Variants in ANKS1A observed in about 807,000 individuals in gnomAD.
ANKS1A encodes ankyrin repeat and sterile alpha motif domain containing 1A.
ANKS1A carries 55 observed loss-of-function variants against 120.3 expected under a neutral mutation model. The observed-to-expected ratio is 0.46, with a 90% CI of 0.37 to 0.57. The LOEUF is 0.57. Among genes scored for constraint, ANKS1A ranks in the 20% least tolerant of loss-of-function variants. ANKS1A has a pLI of 0.00. For synonymous variants in ANKS1A, 590 were observed against 604.7 expected (o/e 0.98, Z 0.36); for missense variants, 1,123 against 1,480.3 (o/e 0.76, Z 3.96).
At chr6:34,932,538 C>T (rs779948631) in intron 1 of ANKS1A, among the ~76,000 whole-genome samples, 1 of 152,152 alleles carries the variant, frequency 6.6e-6, no homozygotes, top group Non-Finnish European at 1.5e-5. Context: ...GCGTGCATCA[C>T]CACACCTGGC....
chr6:34,969,898 A>C (rs1311986247), intron 2 of ANKS1A, 112 bp from the exon 3 acceptor site: 2 of 1,279,852 alleles, frequency 1.6e-6, no homozygotes, highest in Non-Finnish European at 2.2e-6. Context: ...GTAGAGACAC[A>C]GGAGCCAAAT....
intron 7 of ANKS1A, 104 bp downstream of exon 7, chr6:34,983,529 G>T (rs982262172): frequency 3.1e-6 from 3 of 968,520 alleles, no homozygotes. Flanking sequence ...AATTTTGGGG[G>T]ATTGTGAGTA....
At chr6:35,023,557 TTGAC>T in intron 11 of ANKS1A, 7 of 434,340 alleles carry the variant, frequency 1.6e-5, no homozygotes, top group South Asian at 1.1e-4. Flanking sequence ...CTTTCACTCT[TTGAC>T]TGAATATTGG....
intron 13 of ANKS1A, among the ~76,000 whole-genome samples, chr6:35,074,763 G>C (rs947710038): frequency 6.6e-6 from 1 of 152,250 alleles, no homozygotes; most frequent in Non-Finnish European, 1.5e-5. Flanking sequence ...AGGTGGAGCA[G>C]AGTAGTGGGC....
Position 35,082,805 on chromosome 6 carries a change from T to C in ANKS1A, c.2824T>C (p.Tyr942His). 1 of 1,613,482 alleles carries C rather than the reference T, an allele frequency of 6.2e-7. No individual in the cohort carries two copies. The highest frequency in any genetic ancestry group is 8.5e-7 in the Non-Finnish European group (1 of 1,179,688). The stretch of plus-strand genomic sequence containing the variant: ...GAAACTCATCTTCGAGTCCTGTGGT[T>C]ATGAAGCCAATGTGAGTTGCTCCCA... ...PEKLIFESCG[Y>H]EANYLGSMLI... Residue 942 changes from tyrosine (Y) to histidine (H), a missense_variant, in exon 18 of 24, where the codon TAT (tyrosine) becomes CAT (histidine). Tyr to His is a moderately conservative substitution (Grantham distance 83). This residue lies in a region of ANKS1A where 904 missense variants were observed against 1,130.4 expected (regional missense o/e 0.80). Transcript: ENST00000360359. The surrounding 1 kb of genome is among the most constrained non-coding windows in gnomAD (Gnocchi z 4.1).
chr6:35,018,123 C>G (rs1774143168), intron 11 of ANKS1A, 64 bp downstream of exon 11: 1 of 1,494,696 alleles, frequency 6.7e-7, no homozygotes, highest in Non-Finnish European at 9.1e-7. Flanking sequence ...CACCACAGCT[C>G]CCGTGAGTGC....
At chr6:35,097,251 T>TCAGTGACTCACACCTG in the ANKS1A span, among the ~76,000 whole-genome samples, 4 of 152,164 alleles carry the variant, frequency 2.6e-5, no homozygotes, top group Non-Finnish European at 4.4e-5. Context: ...AGGGCCAGGT[T>TCAGTGACTCACACCTG]TAATCCCAGC....
chr6:35,083,753 G>A (rs949757856), intron 20 of ANKS1A, among the ~76,000 whole-genome samples: 29 of 152,112 alleles, frequency 1.9e-4, no homozygotes, highest in African/African-American at 6.5e-4. Context: ...TCCACTGGCC[G>A]CACACCTGCT....
At chr6:35,028,165 G>C (rs935615087) in intron 11 of ANKS1A, among the ~76,000 whole-genome samples, 1 of 152,176 alleles carries the variant, frequency 6.6e-6, no homozygotes, top group African/African-American at 2.4e-5. Flanking sequence ...TTTGGATCTA[G>C]TTATTTTCAA....
chr6:35,092,427 T>TTCTC (rs1171883745), downstream of ANKS1A, among the ~76,000 whole-genome samples: 1 of 152,234 alleles, frequency 6.6e-6, no homozygotes, highest in African/African-American at 2.4e-5. Context: ...TGGAAAATGA[T>TTCTC]TCTCTCCTAG....
At chr6:35,029,620 G>A (rs1774800511) in intron 11 of ANKS1A, among the ~76,000 whole-genome samples, 3 of 151,564 alleles carry the variant, frequency 2.0e-5, no homozygotes, top group African/African-American at 7.2e-5. Flanking sequence ...AAATTGCTGG[G>A]ATTACAGGCG....
intron 8 of ANKS1A, among the ~76,000 whole-genome samples, chr6:34,986,492 T>G (rs973513117): frequency 6.6e-6 from 1 of 152,198 alleles, no homozygotes; most frequent in African/African-American, 2.4e-5. Flanking sequence ...GGAGACAAAT[T>G]TTCAGGCCTG....
intron 1 of ANKS1A, among the ~76,000 whole-genome samples, chr6:34,933,065 C>G (rs1769069118): frequency 6.6e-6 from 1 of 152,194 alleles, no homozygotes; most frequent in South Asian, 2.1e-4. Context: ...TCCCTCATGA[C>G]TATTACTATT....
intron 1 of ANKS1A, among the ~76,000 whole-genome samples, chr6:34,921,762 A>G (rs142475051): frequency 4.5e-4 from 69 of 152,312 alleles, no homozygotes; most frequent in African/African-American, 1.6e-3. Context: ...CAATGGCACA[A>G]TCGTAGCTTA....
chr6:34,941,567 C>T (rs1397243456), intron 1 of ANKS1A, among the ~76,000 whole-genome samples: 1 of 152,144 alleles, frequency 6.6e-6, no homozygotes, highest in Non-Finnish European at 1.5e-5. Context: ...TGTGCCCGCC[C>T]AAACTGAATA....
intron 1 of ANKS1A, among the ~76,000 whole-genome samples, chr6:34,901,279 C>T (rs1257094223): frequency 1.3e-5 from 2 of 151,212 alleles, no homozygotes; most frequent in African/African-American, 4.9e-5. Context: ...AATTTGCATT[C>T]TCAAATAATT....
intron 1 of ANKS1A, among the ~76,000 whole-genome samples, chr6:34,936,330 C>A (rs371557895): frequency 6.6e-6 from 1 of 152,144 alleles, no homozygotes; most frequent in South Asian, 2.1e-4. Flanking sequence ...TCTGATTGTG[C>A]CTGTCCTCAC....
rs143277149 is a variant in ANKS1A at position 34,946,125 on chromosome 6, C to T, written c.198-21114C>T. 7.7e-3 allele frequency among the ~76,000 whole-genome samples: 1,164 copies of T among 151,722 alleles called. 19 individuals carry two copies. Among genetic ancestry groups the T allele is most frequent in the African/African-American group, 0.026 (1,065 of 41,492 alleles). On this transcript the variant is annotated intron_variant, in intron 1 of 23. Coordinates refer to ENST00000360359, the MANE Select transcript of ANKS1A (RefSeq NM_015245.3). ...CCTCCTGAGTAGCTGGGACTACAGG[C>T]GTGTGCCACCACGCCCAGCTAATTT...
intron 10 of ANKS1A, among the ~76,000 whole-genome samples, chr6:35,010,258 C>T (rs1335362094): frequency 6.6e-6 from 1 of 152,102 alleles, no homozygotes; most frequent in Non-Finnish European, 1.5e-5. Flanking sequence ...TGGGATAATG[C>T]AATATCTTAG....
Sources: gnomAD v4.1 joint callset for allele counts (sites outside exome capture counted in the v4.1 genomes callset) on GRCh38, gnomAD v4.1.1 for gene constraint, gnomAD v4.1.1 regional missense constraint, Gnocchi (gnomAD v3.1) non-coding constraint, MANE v1.5 for transcripts, NCBI Gene and HGNC (gene_info 2026-07-23, HGNC 2026-07-21) for gene names.